IQGAP2: variants seen among roughly 807,000 people sequenced by gnomAD.
The protein encoded by IQGAP2 is ras GTPase-activating-like protein IQGAP2.
Under a neutral mutation model 201.3 loss-of-function variants are expected in IQGAP2, and 173 were observed. That is an observed-to-expected ratio of 0.86 (90% CI 0.76 to 0.98). The LOEUF is 0.98. Among genes scored for constraint, IQGAP2 ranks in the 50% least tolerant of loss-of-function variants. The pLI, the probability that IQGAP2 is intolerant of heterozygous loss-of-function variation, is 0.00. For missense variants in IQGAP2, 1,687 were observed against 1,864.8 expected (o/e 0.90, Z 1.76); for synonymous variants, 675 against 673.9 (o/e 1.00, Z -0.03).
At chr5:76,459,000 G>A (rs1417533260) in intron 1 of IQGAP2, among the ~76,000 whole-genome samples, 2 of 152,176 alleles carry the variant, frequency 1.3e-5, no homozygotes, top group Non-Finnish European at 2.9e-5. Context: ...GGCATTTTGA[G>A]CTGAGACAAT....
intron 2 of IQGAP2, among the ~76,000 whole-genome samples, chr5:76,520,441 C>T (rs908593771): frequency 5.9e-5 from 9 of 152,158 alleles, no homozygotes; most frequent in East Asian, 1.9e-4. Flanking sequence ...GGATTACAAG[C>T]GTGAGCCACC....
intron 27 of IQGAP2, among the ~76,000 whole-genome samples, chr5:76,675,195 G>A (rs967264154): frequency 6.6e-6 from 1 of 152,090 alleles, no homozygotes; most frequent in African/African-American, 2.4e-5. Context: ...TTCAACCAAA[G>A]ACAGAGAGAA....
At chr5:76,579,099 A>G (rs1745663263) in intron 5 of IQGAP2, among the ~76,000 whole-genome samples, 1 of 152,158 alleles carries the variant, frequency 6.6e-6, no homozygotes. Context: ...TGAGTACTTC[A>G]GATACCTTAA....
chr5:76,583,409 C>T (rs1367627412), intron 5 of IQGAP2, among the ~76,000 whole-genome samples: 1 of 151,710 alleles, frequency 6.6e-6, no homozygotes. Context: ...AGTGATCTTT[C>T]CAAAGCTAAC....
At chr5:76,623,170 T>G (rs751550382) in intron 13 of IQGAP2, 1 of 1,613,990 alleles carries the variant, frequency 6.2e-7, no homozygotes, top group African/African-American at 1.3e-5. Context: ...TGCTTACCAC[T>G]CTGACAAAAA....
chr5:76,459,520 A>G (rs931441657), intron 1 of IQGAP2, among the ~76,000 whole-genome samples: 2 of 152,234 alleles, frequency 1.3e-5, no homozygotes, highest in Non-Finnish European at 2.9e-5. Flanking sequence ...CTGAAATTAA[A>G]AAGAGAAACT....
At chr5:76,638,569 AT>A (rs1751328806) in intron 16 of IQGAP2, among the ~76,000 whole-genome samples, 1 of 152,198 alleles carries the variant, frequency 6.6e-6, no homozygotes, top group African/African-American at 2.4e-5. Context: ...GGGCTGAAGT[AT>A]TTACAAAAAA....
intron 30 of IQGAP2, among the ~76,000 whole-genome samples, chr5:76,686,970 A>G (rs1440400064): frequency 1.3e-5 from 2 of 152,182 alleles, no homozygotes; most frequent in Non-Finnish European, 2.9e-5. Context: ...CCATTCACTT[A>G]TATGTCTATC....
At chr5:76,518,070 T>C (rs7711193) in intron 2 of IQGAP2, among the ~76,000 whole-genome samples, 116,816 of 152,062 alleles carry the variant, frequency 0.77, 45,464 homozygotes, top group East Asian at 0.96. Flanking sequence ...GATTCTTCTG[T>C]CTCAGCCTCC....
chr5:76,671,711 C>A, intron 23 of IQGAP2, 48 bp from the exon 24 acceptor site: 120 of 1,050,894 alleles, frequency 1.1e-4, no homozygotes, highest in Middle Eastern at 3.0e-4. Context: ...AAAAAAAAAT[C>A]TGTATCCATG....
chr5:76,609,117 G>A (rs938942285), intron 12 of IQGAP2: 20 of 1,535,538 alleles, frequency 1.3e-5, no homozygotes, highest in Middle Eastern at 3.3e-4. Flanking sequence ...TCTTAGAAAC[G>A]CAGCAGACAG....
Position 76,575,703 on chromosome 5 carries a change from C to T in IQGAP2, c.392C>T (p.Pro131Leu), listed in dbSNP as rs1200914794. ...TCTTTTGTTTTCCAGATATTTTATCCAGAAACAACAGATGTCTATGATCGG... is the reference window on the plus strand; with the variant it reads ...TCTTTTGTTTTCCAGATATTTTATCTAGAAACAACAGATGTCTATGATCGG... The part of the protein sequence containing the change: ...ESIGLPKIFY[P>L]ETTDVYDRKN... Residue 131 changes from proline (P) to leucine (L), a missense_variant, in exon 5 of 36, where the codon CCA (proline) becomes CTA (leucine). Physicochemically the swap from Pro to Leu is moderately conservative, Grantham distance 98. Transcript: ENST00000274364. 1.3e-6 allele frequency: 2 copies of T among 1,566,618 alleles called. No homozygotes were observed. Among genetic ancestry groups the T allele is most frequent in the Non-Finnish European group, 8.7e-7 (1 of 1,149,546 alleles).
intron 13 of IQGAP2, among the ~76,000 whole-genome samples, chr5:76,626,587 C>G (rs910613788): frequency 1.3e-4 from 20 of 152,054 alleles, no homozygotes; most frequent in Non-Finnish European, 2.9e-4. Flanking sequence ...CTTGACACAT[C>G]TGTCTCTTAC....
At position 76,695,682 on chromosome 5, in the gene IQGAP2, ATTCT is replaced by A; in HGVS notation, c.4206+22_4206+25del. 6.3e-7 allele frequency: 1 copy of A among 1,599,378 alleles called. No individual in the cohort carries two copies. The highest frequency in any genetic ancestry group is 8.6e-7 in the Non-Finnish European group (1 of 1,166,998). The stretch of plus-strand genomic sequence containing the variant: ...GATTGCCAAGGTTTTTGGAAACAGT[ATTCT>A]TTCTTCCTTCACTTAGCAGACATTT... On this transcript the variant is annotated intron_variant, in intron 32 of 35. Transcript: ENST00000274364.
Position 76,623,132 on chromosome 5 carries a change from A to ACATCCC in IQGAP2, c.1522-4272_1522-4267dup. The ACATCCC allele has an allele frequency of 1.9e-6, 3 of 1,604,846 alleles. No individual in the cohort carries two copies. In the South Asian group the frequency reaches 3.3e-5, roughly 18 times the overall value. ...GACTCTTAATTTGTAACAGAAACCC[A>ACATCCC]CATCCCCATCCTACCCCCTGAGAAA... On this transcript the variant is annotated intron_variant, in intron 13 of 35. Coordinates refer to ENST00000274364, the MANE Select transcript of IQGAP2 (RefSeq NM_006633.5).
rs374455706 is a variant in IQGAP2, at chr5:76,562,568, T to G, written c.303+16T>G. On this transcript the variant is annotated intron_variant, in intron 3 of 35. Transcript: ENST00000274364. ...ACGTTATAAGGTAACCAAGATCTAA[T>G]TGGTTTTGGCTTCCAGCTAAAAGTG... The G allele has an allele frequency of 6.2e-7, 1 of 1,606,458 alleles. No homozygotes were observed. Among genetic ancestry groups the G allele is most frequent in the African/African-American group, 1.3e-5 (1 of 74,582 alleles).
intron 3 of IQGAP2, among the ~76,000 whole-genome samples, chr5:76,568,509 A>G (rs541731632): frequency 3.9e-5 from 6 of 152,210 alleles, no homozygotes; most frequent in Non-Finnish European, 8.8e-5. Flanking sequence ...TACTTTGCTA[A>G]CAAGACCACT....
chr5:76,644,295 C>CTTTTTTTTTTTTTTTTTTTTTTTTTTTTT lies in IQGAP2; in HGVS notation c.2094+3214_2094+3215insTTTTTTTTTTTTTTTTTTTTTTTTTTTTT, dbSNP rs547155944. On this transcript the variant is annotated intron_variant, in intron 17 of 35. Transcript: ENST00000274364. ...AATGAGACTGCCATTTTTGTAAATC[C>CTTTTTTTTTTTTTTTTTTTTTTTTTTTTT]TTTTTTTTTTTTTTTTTTTTTTGAG... is the stretch of plus-strand genomic sequence containing the variant. Among the ~76,000 whole-genome samples the CTTTTTTTTTTTTTTTTTTTTTTTTTTTTT allele has an allele frequency of 2.9e-3, 137 of 47,738 alleles. 30 individuals are homozygous for CTTTTTTTTTTTTTTTTTTTTTTTTTTTTT. Among genetic ancestry groups the CTTTTTTTTTTTTTTTTTTTTTTTTTTTTT allele is most frequent in the Middle Eastern group, 0.028 (2 of 72 alleles). The allele number at this position is 47,738 out of a possible 152,430, so 31.3% of individuals were successfully genotyped here.
chr5:76,478,589 C>T (rs1046191520), intron 2 of IQGAP2, among the ~76,000 whole-genome samples: 37 of 152,250 alleles, frequency 2.4e-4, no homozygotes, highest in African/African-American at 7.9e-4. Context: ...CGTGGTTGTG[C>T]GCACATGTAA....
Sources: allele counts gnomAD v4.1 joint callset (sites outside exome capture counted in the v4.1 genomes callset), GRCh38; gene constraint gnomAD v4.1.1; transcripts MANE v1.5; gene names NCBI Gene and HGNC (gene_info 2026-07-23, HGNC 2026-07-21).